The following KDM2B variants were observed in gnomAD, a reference collection of about 807,000 sequenced individuals.
KDM2B encodes the protein lysine demethylase 2B.
A neutral mutation model predicts 150.0 loss-of-function variants in KDM2B; 26 were observed. The observed-to-expected ratio is 0.17, with a 90% CI of 0.13 to 0.24. KDM2B has a LOEUF of 0.24. Among genes scored for constraint, KDM2B ranks in the 10% least tolerant of loss-of-function variants. KDM2B has a pLI of 1.00. For synonymous variants in KDM2B, 734 were observed against 729.5 expected, an observed-to-expected ratio of 1.01 and a Z score of -0.10; for missense variants, 1,265 against 1,816.9, an observed-to-expected ratio of 0.70 and a Z score of 5.52.
chr12:121,530,032 T>C (rs773110532), intron 8 of KDM2B, among the ~76,000 whole-genome samples: 1 of 150,566 alleles, frequency 6.6e-6, no homozygotes, highest in Non-Finnish European at 1.5e-5. Flanking sequence ...ATCAAGACCA[T>C]CCTGGCTAAC....
chr12:121,465,737 C>T (rs1879802501), intron 12 of KDM2B, among the ~76,000 whole-genome samples: 1 of 152,150 alleles, frequency 6.6e-6, no homozygotes, highest in Non-Finnish European at 1.5e-5. Context: ...GACATCAAAG[C>T]CCAGCTGACA....
intron 4 of KDM2B, among the ~76,000 whole-genome samples, chr12:121,566,607 G>A (rs1890723368): frequency 6.6e-6 from 1 of 151,544 alleles, no homozygotes. Context: ...GGCGACAAGC[G>A]AAATTCTGTC....
intron 11 of KDM2B, among the ~76,000 whole-genome samples, chr12:121,500,547 T>C (rs1555301776): frequency 6.6e-6 from 1 of 152,212 alleles, no homozygotes; most frequent in Non-Finnish European, 1.5e-5. Context: ...AGAAACTCCC[T>C]CCATGCCATG....
rs1888180642 is a variant in KDM2B, at chr12:121,537,048, G to A, written c.684-2458C>T. ...ACCCTCCAGCATCCAGAGGCCCCTCGGGGGGCTGGGGCCGCCTCTTCCAGA... is the reference window on the plus strand; with the variant it reads ...ACCCTCCAGCATCCAGAGGCCCCTCAGGGGGCTGGGGCCGCCTCTTCCAGA... On this transcript the variant is annotated intron_variant, in intron 6 of 22. Coordinates refer to ENST00000377071, the MANE Select transcript of KDM2B (RefSeq NM_032590.5). The surrounding 1 kb of genome is among the most constrained non-coding windows in gnomAD (Gnocchi z 8.7). 2.0e-5 allele frequency among the ~76,000 whole-genome samples: 3 copies of A among 152,238 alleles called. No individual in the cohort carries two copies. The highest frequency in any genetic ancestry group is 4.8e-5 in the African/African-American group (2 of 41,546).
At chr12:121,428,051 C>CAAAAG (rs1872598099), downstream of KDM2B, among the ~76,000 whole-genome samples, 1 of 152,168 alleles carries the variant, frequency 6.6e-6, no homozygotes, top group African/African-American at 2.4e-5. Flanking sequence ...ATCAGGCTTA[C>CAAAAG]AAAAGAAAGT....
intron 12 of KDM2B, 171 bp downstream of exon 12, chr12:121,494,408 C>A: frequency 1.8e-6 from 1 of 567,232 alleles, no homozygotes; most frequent in Non-Finnish European, 3.1e-6. Flanking sequence ...GTAAAGCAAC[C>A]CCCTTTTAAA....
intron 10 of KDM2B, 67 bp from the exon 11 acceptor site, chr12:121,510,106 T>C: frequency 7.4e-7 from 1 of 1,354,710 alleles, no homozygotes; most frequent in Non-Finnish European, 1.0e-6. Context: ...CTTTGGAACC[T>C]CCACTCACCA....
chr12:121,453,109 G>A lies in KDM2B; in HGVS notation c.1959+11C>T. On this transcript the variant is annotated intron_variant, in intron 13 of 22. Transcript: ENST00000377071. This position sits in a 1 kb window ranked among gnomAD's most constrained non-coding sequence, Gnocchi z 6.4. ...GAATCGAGCGCAGGGCTGGGCGGGG[G>A]CCGCACTCACCGCGATGCACTGCCG... 1.3e-6 allele frequency: 2 copies of A among 1,599,784 alleles called. No individual in the cohort carries two copies. The highest frequency in any genetic ancestry group is 1.7e-6 in the Non-Finnish European group (2 of 1,175,110).
Position 121,484,742 on chromosome 12 carries a change from C to T in KDM2B, c.1734+9837G>A, listed in dbSNP as rs577955776. 5.9e-5 allele frequency among the ~76,000 whole-genome samples: 9 copies of T among 152,030 alleles called. No homozygotes were observed. In the South Asian group the frequency reaches 8.3e-4, roughly 14 times the overall value. On this transcript the variant is annotated intron_variant, in intron 12 of 22. Coordinates refer to ENST00000377071, the MANE Select transcript of KDM2B (RefSeq NM_032590.5). ...CTGAGGTGGGAGGATCCCTTGAGCC[C>T]GGGAGGTCGAGGCTGCAGTGAGCTG...
At chr12:121,561,181 C>T (rs1035422310) in intron 4 of KDM2B, among the ~76,000 whole-genome samples, 1 of 152,198 alleles carries the variant, frequency 6.6e-6, no homozygotes, top group Non-Finnish European at 1.5e-5. Flanking sequence ...CCGAAAGCCT[C>T]GGGCTCGGGG....
chr12:121,415,369 TG>T, the KDM2B span: 1 of 310,406 alleles, frequency 3.2e-6, no homozygotes, highest in South Asian at 2.4e-5. Context: ...ACTTGTAATC[TG>T]AGCACTTCAG....
intron 12 of KDM2B, among the ~76,000 whole-genome samples, chr12:121,461,388 T>G (rs1249575337): frequency 6.6e-6 from 1 of 152,104 alleles, no homozygotes; most frequent in African/African-American, 2.4e-5. Flanking sequence ...ACAACATGAC[T>G]GTATTCTGGC....
chr12:121,510,790 C>T (rs1235208338), intron 10 of KDM2B, among the ~76,000 whole-genome samples: 1 of 114,044 alleles, frequency 8.8e-6, no homozygotes, highest in Non-Finnish European at 1.7e-5. Context: ...AAGGCCCTGT[C>T]TCAAAAAATA....
Position 121,505,116 on chromosome 12 carries a change from C to CAA in KDM2B, c.1647+4449_1647+4450dup, listed in dbSNP as rs781886793. Among the ~76,000 whole-genome samples the CAA allele has an allele frequency of 5.9e-3, 471 of 79,490 alleles. 13 individuals carry two copies. Among genetic ancestry groups the CAA allele is most frequent in the African/African-American group, 0.023 (444 of 19,498 alleles). The allele number at this position is 79,490 out of a possible 152,430, so 52.1% of individuals were successfully genotyped here. A position where few individuals can be genotyped will look rare whatever the true frequency, so the allele number is the denominator to read the frequency against. On this transcript the variant is annotated intron_variant, in intron 11 of 22. Transcript: ENST00000377071. ...TGGGCAACAGAGCAAGACTCTGTCT[C>CAA]AAAAAAAAAAAAAAAAAAAATCAGC...
chr12:121,513,168 G>A lies in KDM2B; in HGVS notation c.1174+108C>T, dbSNP rs544918642. 9.9e-6 allele frequency: 13 copies of A among 1,316,386 alleles called. No homozygotes were observed. The African/African-American group carries it at 1.5e-4, about 15-fold the overall frequency. The allele number at this position is 1,316,386 out of a possible 1,614,324, so 81.5% of individuals were successfully genotyped here. ...TTCCTAGGATTCTGCCCAATACACT[G>A]ATTCAACGAATCCCCAAAACTCAGG... On this transcript the variant is annotated intron_variant, in intron 10 of 22. Transcript: ENST00000377071. This position sits in a 1 kb window ranked among gnomAD's most constrained non-coding sequence, Gnocchi z 5.0.
intron 1 of KDM2B, chr12:121,579,482 A>C: frequency 1.3e-6 from 1 of 782,162 alleles, no homozygotes; most frequent in Non-Finnish European, 1.9e-6. Flanking sequence ...GGAAGGGCTG[A>C]GACCCCAGCC....
At position 121,453,031 on chromosome 12, in the gene KDM2B, G is replaced by T; in HGVS notation, c.1959+89C>A. On this transcript the variant is annotated intron_variant, in intron 13 of 22. Transcript: ENST00000377071. The surrounding 1 kb of genome is among the most constrained non-coding windows in gnomAD (Gnocchi z 6.4). ...CAGCCCCGGCTTCTCTGTGTGCGGAGGGGCGGCCAGAGCGAGCAGCGGTCA... is the reference window on the plus strand; with the variant it reads ...CAGCCCCGGCTTCTCTGTGTGCGGATGGGCGGCCAGAGCGAGCAGCGGTCA... 8.4e-7 allele frequency: 1 copy of T among 1,184,818 alleles called. No individual in the cohort carries two copies. The highest frequency in any genetic ancestry group is 1.2e-6 in the Non-Finnish European group (1 of 859,882). 73.4% of individuals were successfully genotyped at this position (1,184,818 alleles called of 1,614,324 possible).
intron 12 of KDM2B, among the ~76,000 whole-genome samples, chr12:121,474,308 T>C (rs958679899): frequency 6.6e-6 from 1 of 150,994 alleles, no homozygotes; most frequent in African/African-American, 2.4e-5. Context: ...GGTCGGGAGA[T>C]CAAAACCATC....
At position 121,442,195 on chromosome 12, in the gene KDM2B, C is replaced by T. The variant is rs202031832; in HGVS notation, c.3246G>A (p.Leu1082=). Residue 1082 remains leucine, a synonymous_variant, in exon 19 of 23, where the codon CTG becomes CTA. Coordinates refer to ENST00000377071, the MANE Select transcript of KDM2B (RefSeq NM_032590.5). The surrounding 1 kb of genome is among the most constrained non-coding windows in gnomAD (Gnocchi z 7.7). ...AVFSYLSHQD[L]CVCMRVCRTW... ...TCCTGCAGACCCGCATGCACACACA[C>T]AGGTCTTGGTGGCTGAGGTAGCTGA... 1.0e-4 allele frequency: 165 copies of T among 1,613,532 alleles called. No individual in the cohort carries two copies. The highest frequency in any genetic ancestry group is 1.3e-4 in the Non-Finnish European group (150 of 1,180,050).
Sources: allele counts gnomAD v4.1 joint callset (sites outside exome capture counted in the v4.1 genomes callset), GRCh38; gene constraint gnomAD v4.1.1; non-coding constraint Gnocchi (gnomAD v3.1); transcripts MANE v1.5; gene names NCBI Gene and HGNC (gene_info 2026-07-23, HGNC 2026-07-21).